The following PTPRN2 variants were observed in gnomAD, a reference collection of about 807,000 sequenced individuals.
PTPRN2 encodes receptor-type tyrosine-protein phosphatase N2.
In PTPRN2, 74 loss-of-function variants were observed where a neutral mutation model predicts 118.8. The ratio of observed to expected loss-of-function variants is 0.62; its 90% CI spans 0.52 to 0.76. The LOEUF is 0.76. Among genes scored for constraint, PTPRN2 ranks in the 30% least tolerant of loss-of-function variants. The pLI, the probability that PTPRN2 is intolerant of heterozygous loss-of-function variation, is 0.00. For missense variants in PTPRN2, 1,481 were observed against 1,394.4 expected, an observed-to-expected ratio of 1.06 and a Z score of -0.99; for synonymous variants, 641 against 608.0, an observed-to-expected ratio of 1.05 and a Z score of -0.80.
At chr7:158,523,605 A>G (rs866828439) in intron 1 of PTPRN2, among the ~76,000 whole-genome samples, 92 of 25,372 alleles carry the variant, frequency 3.6e-3, no homozygotes, top group East Asian at 0.012. Context: ...GCCCTGGAGC[A>G]GAGTCTGCCC....
In PTPRN2 at chr7:157,832,996, G is replaced by A. The variant is rs112070248; in HGVS notation, c.1788+65677C>T. Among the ~76,000 whole-genome samples the A allele has an allele frequency of 1.8e-3, 268 of 152,018 alleles. 5 individuals carry two copies. Among genetic ancestry groups the A allele is most frequent in the African/African-American group, 5.4e-3 (224 of 41,464 alleles). On this transcript the variant is annotated intron_variant, in intron 12 of 22. Coordinates refer to ENST00000389418, the MANE Select transcript of PTPRN2 (RefSeq NM_002847.5). The stretch of plus-strand genomic sequence containing the variant: ...ATCCATCCTGTATGATGATAAACTC[G>A]TCCAGGAGCGAGATGTGGCCGGTGC...
rs1363310471 is a variant in PTPRN2 at position 158,574,438 on chromosome 7, C to T, written c.112+13120G>A. The stretch of plus-strand genomic sequence containing the variant: ...TAACTTGTAAATAAGAATATGTATC[C>T]GGTAAATAAATGCACATTTCTGTTG... On this transcript the variant is annotated intron_variant, in intron 1 of 22. Transcript: ENST00000389418. This position sits in a 1 kb window ranked among gnomAD's most constrained non-coding sequence, Gnocchi z 4.6. Among the ~76,000 whole-genome samples the T allele has an allele frequency of 1.3e-5, 2 of 152,002 alleles. No individual in the cohort carries two copies. Among genetic ancestry groups the T allele is most frequent in the Admixed American group, 6.6e-5 (1 of 15,264 alleles).
chr7:157,879,734 G>A (rs1479238623), intron 12 of PTPRN2, among the ~76,000 whole-genome samples: 4 of 151,686 alleles, frequency 2.6e-5, no homozygotes, highest in Non-Finnish European at 4.4e-5. Context: ...ATCTGATAGA[G>A]TGGCCACCTC....
chr7:158,071,354 G>GGAGGTGCCCATGGTA (rs1811527867), intron 11 of PTPRN2, among the ~76,000 whole-genome samples: 1 of 118,698 alleles, frequency 8.4e-6, no homozygotes, highest in Non-Finnish European at 1.8e-5. Context: ...TGCTCGTGGT[G>GGAGGTGCCCATGGTA]GTGGAGGTGC....
At chr7:157,758,534 T>C (rs1801943064) in intron 12 of PTPRN2, among the ~76,000 whole-genome samples, 1 of 152,158 alleles carries the variant, frequency 6.6e-6, no homozygotes, top group South Asian at 2.1e-4. Flanking sequence ...TTTGGGAGGC[T>C]AAAGGGAGCC....
intron 5 of PTPRN2, among the ~76,000 whole-genome samples, chr7:158,176,903 G>T (rs1824256929): frequency 1.3e-5 from 2 of 152,222 alleles, no homozygotes; most frequent in Admixed American, 1.3e-4. Context: ...GCTCCTCCAG[G>T]TGGCATGGCT....
intron 11 of PTPRN2, among the ~76,000 whole-genome samples, chr7:157,913,721 A>T (rs1798222597): frequency 1.3e-5 from 2 of 152,216 alleles, no homozygotes. Context: ...TTTTTTAAAA[A>T]TAAATTGCTG....
intron 4 of PTPRN2, among the ~76,000 whole-genome samples, chr7:158,202,186 T>C (rs1021283131): frequency 2.6e-5 from 4 of 152,142 alleles, no homozygotes; most frequent in East Asian, 1.9e-4. Flanking sequence ...AAAAATATAC[T>C]AGAAAGTAGA....
chr7:158,342,616 A>T (rs115745285), intron 2 of PTPRN2, among the ~76,000 whole-genome samples: 3 of 152,000 alleles, frequency 2.0e-5, no homozygotes, highest in African/African-American at 2.4e-5. Context: ...AAGAGCTGAC[A>T]TCTACAGACA....
At chr7:157,891,636 T>C (rs1222212283) in intron 12 of PTPRN2, among the ~76,000 whole-genome samples, 2 of 152,002 alleles carry the variant, frequency 1.3e-5, no homozygotes, top group African/African-American at 2.4e-5. Flanking sequence ...CATAGGTTCA[T>C]AGACTTTTAA....
chr7:157,736,357 G>C (rs1037946609), intron 12 of PTPRN2, among the ~76,000 whole-genome samples: 1 of 152,190 alleles, frequency 6.6e-6, no homozygotes, highest in Non-Finnish European at 1.5e-5. Context: ...TATATTTGGA[G>C]ACAGGACCTC....
intron 2 of PTPRN2, among the ~76,000 whole-genome samples, chr7:158,368,935 G>A (rs1307415669): frequency 1.3e-5 from 2 of 152,204 alleles, no homozygotes; most frequent in Non-Finnish European, 2.9e-5. Flanking sequence ...GATCCTGGGT[G>A]TGTCTGTGAG....
chr7:158,571,167 G>C (rs1389914428), intron 1 of PTPRN2, among the ~76,000 whole-genome samples: 1 of 151,160 alleles, frequency 6.6e-6, no homozygotes, highest in African/African-American at 2.4e-5. Flanking sequence ...TAATTATGCC[G>C]TGTGTTGGCA....
intron 11 of PTPRN2, chr7:158,027,595 G>A (rs1272610722): frequency 1.3e-5 from 2 of 152,220 alleles, no homozygotes; most frequent in Non-Finnish European, 1.5e-5. Context: ...TGCTCCTTTT[G>A]TGTCTCCACT....
intron 2 of PTPRN2, among the ~76,000 whole-genome samples, chr7:158,401,107 G>A (rs1011431758): frequency 1.3e-5 from 2 of 152,108 alleles, no homozygotes; most frequent in Admixed American, 1.3e-4. Flanking sequence ...CAAGAGGGAC[G>A]TGGGGCCTGA....
intron 3 of PTPRN2, among the ~76,000 whole-genome samples, chr7:158,315,055 C>T (rs1211727874): frequency 8.4e-6 from 1 of 118,960 alleles, no homozygotes; most frequent in African/African-American, 3.4e-5. Flanking sequence ...GAGGTGAACC[C>T]GGGACGCCCT....
chr7:157,544,052 G>A (rs963299919), intron 22 of PTPRN2, among the ~76,000 whole-genome samples: 3 of 151,888 alleles, frequency 2.0e-5, no homozygotes, highest in Admixed American at 2.0e-4. Flanking sequence ...GAGAGAGGTG[G>A]AGAGAGACGG....
intron 12 of PTPRN2, among the ~76,000 whole-genome samples, chr7:157,839,547 C>G (rs10271247): frequency 0.065 from 9,773 of 150,700 alleles, 508 homozygotes; most frequent in East Asian, 0.22. Flanking sequence ...CTCTGTGTGT[C>G]TGTGTGTGTG....
chr7:158,294,241 T>C (rs1242437276), intron 3 of PTPRN2, among the ~76,000 whole-genome samples: 1 of 152,232 alleles, frequency 6.6e-6, no homozygotes, highest in Admixed American at 6.5e-5. Flanking sequence ...CATTGTTATG[T>C]TGTGCTTGCT....
Sources: allele counts gnomAD v4.1 joint callset (sites outside exome capture counted in the v4.1 genomes callset), GRCh38; gene constraint gnomAD v4.1.1; non-coding constraint Gnocchi (gnomAD v3.1); transcripts MANE v1.5; gene names NCBI Gene and HGNC (gene_info 2026-07-23, HGNC 2026-07-21).